Variants in TMED10 observed in about 807,000 individuals in gnomAD.
TMED10 encodes transmembrane emp24 domain-containing protein 10.
TMED10 carries 7 observed loss-of-function variants against 23.1 expected under a neutral mutation model. That is an observed-to-expected ratio of 0.30 (90% CI 0.17 to 0.57). TMED10 has a LOEUF of 0.57. TMED10 is among the 20% of genes least tolerant of loss of function. The pLI is 0.91. For synonymous variants in TMED10, 113 were observed against 106.9 expected (o/e 1.06, Z -0.35); for missense variants, 162 against 274.8 (o/e 0.59, Z 2.90).
At chr14:75,163,547 C>T (rs190767301) in intron 1 of TMED10, among the ~76,000 whole-genome samples, 217 of 112,028 alleles carry the variant, frequency 1.9e-3, no homozygotes, top group African/African-American at 7.7e-3. Context: ...AGTGAGACTC[C>T]GTATCAAAAA....
intron 1 of TMED10, among the ~76,000 whole-genome samples, chr14:75,159,095 T>G (rs1308701740): frequency 6.6e-6 from 1 of 152,114 alleles, no homozygotes; most frequent in Non-Finnish European, 1.5e-5. Flanking sequence ...TCCCCAAGAT[T>G]CTCACTTTAT....
At chr14:75,157,758 G>T (rs1896037656) in intron 1 of TMED10, among the ~76,000 whole-genome samples, 1 of 151,908 alleles carries the variant, frequency 6.6e-6, no homozygotes, top group East Asian at 1.9e-4. Context: ...TGGCCAACGT[G>T]GCGAAACCCC....
chr14:75,142,102 CA>C (rs1176667275), intron 3 of TMED10, among the ~76,000 whole-genome samples: 1 of 152,140 alleles, frequency 6.6e-6, no homozygotes, highest in African/African-American at 2.4e-5. Flanking sequence ...TTCATGAAGG[CA>C]GGCTGGTATT....
intron 1 of TMED10, among the ~76,000 whole-genome samples, chr14:75,167,184 C>A (rs1896175345): frequency 6.6e-6 from 1 of 152,112 alleles, no homozygotes; most frequent in Non-Finnish European, 1.5e-5. Context: ...TCGTGATCCA[C>A]CCACCTCAGC....
chr14:75,162,111 A>G (rs1362241771), intron 1 of TMED10, among the ~76,000 whole-genome samples: 1 of 152,128 alleles, frequency 6.6e-6, no homozygotes, highest in African/African-American at 2.4e-5. Context: ...CTAAAAATAC[A>G]AAAATTAGCC....
At chr14:75,138,810 TTC>T (rs1895784243) in intron 3 of TMED10, among the ~76,000 whole-genome samples, 2 of 37,978 alleles carry the variant, frequency 5.3e-5, no homozygotes, top group Admixed American at 5.0e-4. Context: ...CAGCCTTTGC[TTC>T]TTTTTTTTTT....
chr14:75,155,588 C>A (rs976761054), intron 1 of TMED10, among the ~76,000 whole-genome samples: 1 of 152,116 alleles, frequency 6.6e-6, no homozygotes, highest in African/African-American at 2.4e-5. Flanking sequence ...GCCAATTATA[C>A]CTCAATAAAG....
intron 1 of TMED10, among the ~76,000 whole-genome samples, chr14:75,172,093 A>G (rs1896241198): frequency 1.3e-5 from 2 of 152,158 alleles, no homozygotes; most frequent in African/African-American, 2.4e-5. Flanking sequence ...TGGTTAAAAG[A>G]CACCTCTAGG....
Position 75,151,443 on chromosome 14 carries a change from T to G in TMED10, c.337+589A>C, listed in dbSNP as rs1321880707. Among the ~76,000 whole-genome samples the G allele has an allele frequency of 4.6e-5, 7 of 152,234 alleles. No individual in the cohort carries two copies. The East Asian group carries it at 7.7e-4, about 17-fold the overall frequency. On this transcript the variant is annotated intron_variant, in intron 2 of 4. Coordinates refer to ENST00000303575, the MANE Select transcript of TMED10 (RefSeq NM_006827.6). Reference sequence around the variant, plus strand: ...CATGTTGGCCAGGCTGGTCTCAAACTCCTAACCTTCAGTGATCTGCCTGCC... The same window carrying G: ...CATGTTGGCCAGGCTGGTCTCAAACGCCTAACCTTCAGTGATCTGCCTGCC...
chr14:75,167,948 A>C (rs1316765644), intron 1 of TMED10, among the ~76,000 whole-genome samples: 2 of 152,160 alleles, frequency 1.3e-5, no homozygotes, highest in Admixed American at 6.5e-5. Context: ...TCCTGCTTCA[A>C]TTATGTGCAG....
intron 2 of TMED10, 72 bp from the exon 3 acceptor site, chr14:75,147,809 GCCCT>G: frequency 7.7e-7 from 1 of 1,302,592 alleles, no homozygotes; most frequent in Middle Eastern, 2.6e-4. Context: ...CCACCCGCCC[GCCCT>G]CCCTCTACAG....
chr14:75,147,588 G>A (rs1450624602), intron 3 of TMED10, 76 bp downstream of exon 3: 1 of 1,456,298 alleles, frequency 6.9e-7, no homozygotes, highest in East Asian at 2.3e-5. Flanking sequence ...AGCACAGCCT[G>A]TTGGCCTGCC....
chr14:75,141,129 A>G (rs150735149), intron 3 of TMED10, among the ~76,000 whole-genome samples: 7 of 152,304 alleles, frequency 4.6e-5, no homozygotes, highest in East Asian at 1.9e-4. Context: ...AGTAACTTCT[A>G]TAACAAAAAA....
chr14:75,153,283 AAAAC>A (rs1374579967), intron 1 of TMED10, among the ~76,000 whole-genome samples: 3 of 152,158 alleles, frequency 2.0e-5, no homozygotes, highest in Non-Finnish European at 2.9e-5. Context: ...CAAAAAAACA[AAAAC>A]AAAAACAAAA....
At chr14:75,166,753 C>T (rs1896168125) in intron 1 of TMED10, among the ~76,000 whole-genome samples, 2 of 152,126 alleles carry the variant, frequency 1.3e-5, no homozygotes, top group African/African-American at 4.8e-5. Flanking sequence ...ACCAATTAGC[C>T]TTCTGTACTG....
intron 2 of TMED10, among the ~76,000 whole-genome samples, chr14:75,148,714 G>A (rs1408964921): frequency 6.6e-6 from 1 of 152,168 alleles, no homozygotes; most frequent in Non-Finnish European, 1.5e-5. Flanking sequence ...ATGCCTGAGA[G>A]ACACTGGAAG....
chr14:75,169,475 T>C (rs1042211615), intron 1 of TMED10, among the ~76,000 whole-genome samples: 12 of 151,944 alleles, frequency 7.9e-5, no homozygotes, highest in Admixed American at 6.6e-4. Flanking sequence ...CTGGACAATA[T>C]TGTGAAACCC....
At chr14:75,166,502 T>G (rs1033666267) in intron 1 of TMED10, among the ~76,000 whole-genome samples, 2 of 152,174 alleles carry the variant, frequency 1.3e-5, no homozygotes, top group African/African-American at 4.8e-5. Context: ...GACTCAGTCT[T>G]CAGAAGTCAG....
At chr14:75,163,552 C>CAAAA (rs758185921) in intron 1 of TMED10, among the ~76,000 whole-genome samples, 292 of 60,480 alleles carry the variant, frequency 4.8e-3, no homozygotes, top group Middle Eastern at 0.019. Context: ...GACTCCGTAT[C>CAAAA]AAAAAAAAAA....
Sources: allele counts gnomAD v4.1 joint callset (sites outside exome capture counted in the v4.1 genomes callset), GRCh38; gene constraint gnomAD v4.1.1; transcripts MANE v1.5; gene names NCBI Gene and HGNC (gene_info 2026-07-23, HGNC 2026-07-21).